The following LRRTM4 variants were observed in gnomAD, a reference collection of about 807,000 sequenced individuals.
The protein encoded by LRRTM4 is leucine-rich repeat transmembrane neuronal protein 4.
LRRTM4 carries 25 observed loss-of-function variants against 47.6 expected under a neutral mutation model. The observed-to-expected ratio is 0.53, with a 90% CI of 0.38 to 0.73. The LOEUF (loss-of-function observed/expected upper bound fraction) is 0.73. LRRTM4 is among the 30% of genes least tolerant of loss of function. The probability of loss-of-function intolerance (pLI) is 0.00; values close to 1 mark genes in which losing one functional copy is unlikely to be tolerated. For missense variants in LRRTM4, 638 were observed against 713.4 expected, an observed-to-expected ratio of 0.89 and a Z score of 1.20; for synonymous variants, 311 against 269.5, an observed-to-expected ratio of 1.15 and a Z score of -1.51.
At chr2:77,118,476 C>G (rs550244089) in intron 3 of LRRTM4, among the ~76,000 whole-genome samples, 2 of 151,828 alleles carry the variant, frequency 1.3e-5, no homozygotes, top group Non-Finnish European at 2.9e-5. Flanking sequence ...TTCAGTCATG[C>G]TTGCTTATTA....
chr2:76,992,826 AG>A (rs897597750), intron 3 of LRRTM4, among the ~76,000 whole-genome samples: 3 of 112,784 alleles, frequency 2.7e-5, no homozygotes, highest in African/African-American at 1.2e-4. Context: ...AGAAATCCTG[AG>A]GAAAAAAAAA....
chr2:77,006,652 G>A (rs1157282155), intron 3 of LRRTM4, among the ~76,000 whole-genome samples: 2 of 152,094 alleles, frequency 1.3e-5, no homozygotes, highest in East Asian at 1.9e-4. Flanking sequence ...AACAAGCGGA[G>A]AGATTCTAGA....
At chr2:77,295,865 A>T (rs1676959532) in intron 3 of LRRTM4, among the ~76,000 whole-genome samples, 1 of 152,146 alleles carries the variant, frequency 6.6e-6, no homozygotes, top group Admixed American at 6.5e-5. Flanking sequence ...GTCTCCAAAT[A>T]CTGAGATATT....
intron 3 of LRRTM4, among the ~76,000 whole-genome samples, chr2:77,398,845 G>T (rs780581751): frequency 4.0e-5 from 6 of 151,812 alleles, no homozygotes; most frequent in Non-Finnish European, 5.9e-5. Flanking sequence ...CCAACCCAGA[G>T]ATTCATTCCT....
intron 3 of LRRTM4, among the ~76,000 whole-genome samples, chr2:76,896,191 C>T (rs1359045328): frequency 6.6e-6 from 1 of 151,850 alleles, no homozygotes; most frequent in African/African-American, 2.4e-5. Flanking sequence ...GAGTTTTTCT[C>T]CATCTCCTAT....
chr2:77,232,336 C>T (rs1558645391), intron 3 of LRRTM4, among the ~76,000 whole-genome samples: 1 of 152,174 alleles, frequency 6.6e-6, no homozygotes, highest in Non-Finnish European at 1.5e-5. Context: ...AGTATTTCTT[C>T]CTAGGAACAG....
chr2:76,818,372 A>T (rs189965834), intron 3 of LRRTM4, among the ~76,000 whole-genome samples: 25 of 151,932 alleles, frequency 1.6e-4, no homozygotes, highest in Admixed American at 3.9e-4. Flanking sequence ...GCAAGCAGAA[A>T]AAAAATAATA....
At chr2:76,812,149 G>C (rs1172966868) in intron 3 of LRRTM4, among the ~76,000 whole-genome samples, 1 of 152,114 alleles carries the variant, frequency 6.6e-6, no homozygotes, top group Admixed American at 6.6e-5. Flanking sequence ...AATAAACACA[G>C]CTAGTGGAAG....
intron 3 of LRRTM4, among the ~76,000 whole-genome samples, chr2:76,855,246 C>T (rs1316721067): frequency 6.6e-6 from 1 of 152,128 alleles, no homozygotes. Context: ...GTTGTTAAAG[C>T]AGTGAATATT....
At chr2:77,100,512 C>A (rs1670925353) in intron 3 of LRRTM4, among the ~76,000 whole-genome samples, 1 of 151,966 alleles carries the variant, frequency 6.6e-6, no homozygotes. Flanking sequence ...AAGCAATCAG[C>A]CAAATTGAGA....
chr2:77,011,163 G>A (rs761366409), intron 3 of LRRTM4, among the ~76,000 whole-genome samples: 14 of 151,890 alleles, frequency 9.2e-5, no homozygotes, highest in Non-Finnish European at 1.8e-4. Context: ...AAAAGAAAGA[G>A]ATAAAAATAG....
intron 3 of LRRTM4, among the ~76,000 whole-genome samples, chr2:77,135,053 T>A (rs1458709253): frequency 6.6e-6 from 1 of 152,134 alleles, no homozygotes; most frequent in East Asian, 1.9e-4. Flanking sequence ...TGACTCTGAA[T>A]AAAATTATAG....
intron 3 of LRRTM4, among the ~76,000 whole-genome samples, chr2:77,404,248 A>T: frequency 6.6e-6 from 1 of 152,010 alleles, no homozygotes; most frequent in East Asian, 1.9e-4. Context: ...TTTATAGAAT[A>T]AAAAGAAAAT....
At chr2:77,242,331 A>T (rs1002590047) in intron 3 of LRRTM4, among the ~76,000 whole-genome samples, 5 of 152,152 alleles carry the variant, frequency 3.3e-5, no homozygotes, top group Non-Finnish European at 7.4e-5. Flanking sequence ...ATTACATAAA[A>T]ATTAAAAACT....
Position 77,483,118 on chromosome 2 carries a change from CAAAAAAAAAAAAAAAA to C in LRRTM4, c.1551+35184_1551+35199del, listed in dbSNP as rs776265725. ...CCTAGGAGGCAGAGCAAGACTGTCT[CAAAAAAAAAAAAAAAA>C]AAAAAAAAAAAAAAAAAAAATTCCA... On this transcript the variant is annotated intron_variant, in intron 3 of 3. Transcript: ENST00000409884. Among the ~76,000 whole-genome samples the C allele has an allele frequency of 5.6e-4, 34 of 60,594 alleles. 1 individual carries two copies. The highest frequency in any genetic ancestry group is 1.8e-3 in the East Asian group (2 of 1,086). The allele number at this position is 60,594 out of a possible 152,430, so 39.8% of individuals were successfully genotyped here. A position where few individuals can be genotyped will look rare whatever the true frequency, so the allele number is the denominator to read the frequency against.
intron 3 of LRRTM4, among the ~76,000 whole-genome samples, chr2:77,100,259 C>T (rs888320474): frequency 2.0e-5 from 3 of 152,278 alleles, no homozygotes; most frequent in East Asian, 1.9e-4. Context: ...AACACTTCAT[C>T]AGATAACACT....
chr2:77,514,414 T>G (rs1679133946), intron 3 of LRRTM4, among the ~76,000 whole-genome samples: 1 of 152,076 alleles, frequency 6.6e-6, no homozygotes, highest in South Asian at 2.1e-4. Context: ...ACATAGTCCA[T>G]AAATAAAAGT....
chr2:77,328,913 G>A (rs948182247), intron 3 of LRRTM4, among the ~76,000 whole-genome samples: 7 of 152,200 alleles, frequency 4.6e-5, no homozygotes, highest in African/African-American at 1.7e-4. Flanking sequence ...ATGTGAGGCA[G>A]TAATAGGCTG....
intron 3 of LRRTM4, among the ~76,000 whole-genome samples, chr2:77,055,596 T>G (rs1359841363): frequency 6.6e-6 from 1 of 152,198 alleles, no homozygotes; most frequent in Non-Finnish European, 1.5e-5. Flanking sequence ...TTGGTAGGAC[T>G]GTAAACTAGT....
Sources: gnomAD v4.1 joint callset for allele counts (sites outside exome capture counted in the v4.1 genomes callset) on GRCh38, gnomAD v4.1.1 for gene constraint, MANE v1.5 for transcripts, NCBI Gene and HGNC (gene_info 2026-07-23, HGNC 2026-07-21) for gene names.